Variants in COL4A4 observed in about 807,000 individuals in gnomAD.
COL4A4 encodes the protein collagen type IV alpha 4 chain, also known as collagen alpha-4(IV) chain.
In COL4A4, 105 loss-of-function variants were observed where a neutral mutation model predicts 192.9. The ratio of observed to expected loss-of-function variants is 0.54; its 90% CI spans 0.46 to 0.64. The LOEUF (loss-of-function observed/expected upper bound fraction) is 0.64, where lower values mean the gene tolerates loss of function less well. COL4A4 is among the 30% of genes least tolerant of loss of function. The probability of loss-of-function intolerance (pLI) is 0.00; values close to 1 mark genes in which losing one functional copy is unlikely to be tolerated. For synonymous variants in COL4A4, 762 were observed against 769.9 expected (o/e 0.99, Z 0.17); for missense variants, 1,967 against 2,169.3 (o/e 0.91, Z 1.85).
chr2:227,121,387 A>T (rs934889510), intron 4 of COL4A4, among the ~76,000 whole-genome samples: 2 of 151,700 alleles, frequency 1.3e-5, no homozygotes, highest in African/African-American at 4.8e-5. Context: ...ACAAAGTGAG[A>T]CCCCCCATCT....
At chr2:227,052,147 T>C (rs779994303) in intron 32 of COL4A4, among the ~76,000 whole-genome samples, 158 bp downstream of exon 32, 14 of 151,728 alleles carry the variant, frequency 9.2e-5, no homozygotes, top group Admixed American at 7.2e-4. Context: ...GCTGAGATGG[T>C]GCCACTGCAC....
rs2063757158 is a variant in COL4A4, at chr2:227,149,263, A to G, written c.-101-1679T>C. Among the ~76,000 whole-genome samples, 3 of 152,342 alleles carry G rather than the reference A, an allele frequency of 2.0e-5. No homozygotes were observed. The South Asian group carries it at 6.2e-4, about 32-fold the overall frequency. On this transcript the variant is annotated intron_variant, in intron 1 of 47. Coordinates refer to ENST00000396625, the MANE Select transcript of COL4A4 (RefSeq NM_000092.5). The stretch of plus-strand genomic sequence containing the variant: ...AACAACATTCTACAATAAAGTTTCA[A>G]TATCAAGCAGAAACTGAATCACTTT...
intron 22 of COL4A4, among the ~76,000 whole-genome samples, chr2:227,087,261 C>G (rs145383413): frequency 1.4e-3 from 207 of 152,342 alleles, no homozygotes; most frequent in African/African-American, 4.7e-3. Flanking sequence ...ATCACGTAAA[C>G]TCTGACAAAG....
intron 34 of COL4A4, among the ~76,000 whole-genome samples, chr2:227,049,858 G>A (rs1973695125): frequency 6.6e-6 from 1 of 152,246 alleles, no homozygotes; most frequent in South Asian, 2.1e-4. Context: ...AGAGCCTGCA[G>A]GCATGCTGTT....
rs147481042 is a variant in COL4A4, at chr2:227,053,767, C to G, written c.2860+827G>C. Among the ~76,000 whole-genome samples, 7 of 152,058 alleles carry G rather than the reference C, an allele frequency of 4.6e-5. No homozygotes were observed. In the East Asian group the frequency reaches 1.4e-3, roughly 29 times the overall value. ...TTTCGCCGTGTTACCAGGATGGTCT[C>G]GATCTCCTGACCTCATGATCTGCCC... On this transcript the variant is annotated intron_variant, in intron 31 of 47. Transcript: ENST00000396625.
chr2:227,034,062 T>C (rs1969007427), intron 37 of COL4A4, among the ~76,000 whole-genome samples: 1 of 152,190 alleles, frequency 6.6e-6, no homozygotes, highest in African/African-American at 2.4e-5. Flanking sequence ...TCACAACCAT[T>C]CTGATGCCTT....
chr2:226,988,674 G>C, the COL4A4 span: 63 of 983,872 alleles, frequency 6.4e-5, no homozygotes, highest in African/African-American at 8.2e-4. Flanking sequence ...ATATTCCGAA[G>C]GGTTTTCATA....
At chr2:227,012,156 A>G in intron 45 of COL4A4, 25 bp downstream of exon 45, 1 of 1,546,360 alleles carries the variant, frequency 6.5e-7, no homozygotes, top group East Asian at 2.2e-5. Context: ...AGTGTCAGAG[A>G]AAAGAGGAGT....
At position 227,006,788 on chromosome 2, in the gene COL4A4, T is replaced by A. The variant is rs915771978; in HGVS notation, c.*537A>T. The A allele has an allele frequency of 6.5e-6, 1 of 154,166 alleles. No homozygotes were observed. Among genetic ancestry groups the A allele is most frequent in the Non-Finnish European group, 1.4e-5 (1 of 69,464 alleles). 9.5% of individuals were successfully genotyped at this position (154,166 alleles called of 1,614,324 possible). A position where few individuals can be genotyped will look rare whatever the true frequency, so the allele number is the denominator to read the frequency against. ...TTTTTTTCTTCTTTAAAAAAAAATC[T>A]CTCTTTGCGTCATGGTTTTACCATT... is the stretch of plus-strand genomic sequence containing the variant. On this transcript the variant is annotated 3_prime_UTR_variant, in exon 48 of 48. Coordinates refer to ENST00000396625, the MANE Select transcript of COL4A4 (RefSeq NM_000092.5).
At chr2:227,132,238 T>C (rs1453175982) in intron 4 of COL4A4, among the ~76,000 whole-genome samples, 1 of 152,122 alleles carries the variant, frequency 6.6e-6, no homozygotes, top group Non-Finnish European at 1.5e-5. Context: ...ATCTTTTCCC[T>C]GATGTGACTT....
intron 3 of COL4A4, 101 bp from the exon 4 acceptor site, chr2:227,140,339 C>T (rs1559724511): frequency 4.3e-6 from 4 of 938,684 alleles, no homozygotes; most frequent in Non-Finnish European, 6.9e-6. Flanking sequence ...CCTTTGACTC[C>T]ATGAGAAGAA....
At position 227,007,190 on chromosome 2, in the gene COL4A4, A is replaced by C; in HGVS notation, c.*135T>G. On this transcript the variant is annotated 3_prime_UTR_variant, in exon 48 of 48. Coordinates refer to ENST00000396625, the MANE Select transcript of COL4A4 (RefSeq NM_000092.5). ...TGTAAGGAACCAGAGGACTCTGGGAATAACCACGACAAAACAGAAGGAACC... is the reference window on the plus strand; with the variant it reads ...TGTAAGGAACCAGAGGACTCTGGGACTAACCACGACAAAACAGAAGGAACC... 7.9e-7 allele frequency: 1 copy of C among 1,273,754 alleles called. No individual in the cohort carries two copies. The highest frequency in any genetic ancestry group is 1.1e-6 in the Non-Finnish European group (1 of 873,332). 78.9% of individuals were successfully genotyped at this position (1,273,754 alleles called of 1,614,324 possible).
rs531488311 is a variant in COL4A4 at position 227,142,097 on chromosome 2, CAAAAAAA to C, written c.115-1866_115-1860del. Among the ~76,000 whole-genome samples the C allele has an allele frequency of 2.7e-3, 318 of 118,934 alleles. 2 individuals carry two copies. In the Middle Eastern group the frequency reaches 0.032, roughly 12 times the overall value. 78.0% of individuals were successfully genotyped at this position (118,934 alleles called of 152,430 possible). ...TCACTTTAAAATAGATTAGTAGATT[CAAAAAAA>C]AAAAAAAAAAAAAACAGGAATAGTC... On this transcript the variant is annotated intron_variant, in intron 3 of 47. Coordinates refer to ENST00000396625, the MANE Select transcript of COL4A4 (RefSeq NM_000092.5).
At position 227,147,289 on chromosome 2, in the gene COL4A4, C is replaced by T. The variant is rs374524327; in HGVS notation, c.71+124G>A. ...ATGAGTCATGAAATGGCAGACATAC[C>T]CTTAGCTTTCTGGAATGATTTGGCT... is the stretch of plus-strand genomic sequence containing the variant. On this transcript the variant is annotated intron_variant, in intron 2 of 47. Coordinates refer to ENST00000396625, the MANE Select transcript of COL4A4 (RefSeq NM_000092.5). The T allele has an allele frequency of 2.2e-4, 199 of 901,868 alleles. 1 individual carries two copies. The African/African-American group carries it at 2.9e-3, about 13-fold the overall frequency. The allele number at this position is 901,868 out of a possible 1,614,324, so 55.9% of individuals were successfully genotyped here. A position where few individuals can be genotyped will look rare whatever the true frequency, so the allele number is the denominator to read the frequency against.
the COL4A4 span, among the ~76,000 whole-genome samples, chr2:226,972,326 C>A: frequency 6.6e-6 from 1 of 152,024 alleles, no homozygotes. Context: ...TCCAGTCAAT[C>A]ATTGATGGAA....
intron 3 of COL4A4, among the ~76,000 whole-genome samples, chr2:227,142,658 G>A (rs1445890488): frequency 6.6e-6 from 1 of 151,858 alleles, no homozygotes; most frequent in Non-Finnish European, 1.5e-5. Flanking sequence ...TCAGGAGGCT[G>A]AGGTGGGAGA....
At chr2:226,995,782 C>T in the COL4A4 span, 1 of 473,438 alleles carries the variant, frequency 2.1e-6, no homozygotes, top group South Asian at 3.5e-5. Context: ...TCCACGCTCC[C>T]ATCTCTCACT....
At position 227,056,120 on chromosome 2, in the gene COL4A4, G is replaced by A. The variant is rs763813588; in HGVS notation, c.2546-5C>T. On this transcript the variant is annotated splice_polypyrimidine_tract_variant and splice_region_variant and intron_variant, in intron 29 of 47. Transcript: ENST00000396625. ...GTCCTTTCCCACCTGGAGCACCTAA[G>A]ACAAACCACAGTGACCACAGTGTGT... is the stretch of plus-strand genomic sequence containing the variant. 1 of 1,613,872 alleles carries A rather than the reference G, an allele frequency of 6.2e-7. No individual in the cohort carries two copies. Among genetic ancestry groups the A allele is most frequent in the Non-Finnish European group, 8.5e-7 (1 of 1,179,952 alleles).
At chr2:227,104,949 C>T (rs946705580) in intron 12 of COL4A4, among the ~76,000 whole-genome samples, 2 of 151,654 alleles carry the variant, frequency 1.3e-5, no homozygotes, top group African/African-American at 4.8e-5. Context: ...CCTATTAAAA[C>T]TTTGATATAA....
Sources: allele counts gnomAD v4.1 joint callset (sites outside exome capture counted in the v4.1 genomes callset), GRCh38; gene constraint gnomAD v4.1.1; transcripts MANE v1.5; gene names NCBI Gene and HGNC (gene_info 2026-07-23, HGNC 2026-07-21).